Variants in P4HA3 observed in about 807,000 individuals in gnomAD.
P4HA3 encodes the protein prolyl 4-hydroxylase subunit alpha-3.
Under a neutral mutation model 66.7 loss-of-function variants are expected in P4HA3, and 60 were observed. That is an observed-to-expected ratio of 0.90 (90% CI 0.73 to 1.12). The LOEUF (loss-of-function observed/expected upper bound fraction) is 1.12, where lower values mean the gene tolerates loss of function less well. Ranked by LOEUF, P4HA3 falls within the 50% of genes most tolerant of loss-of-function variation. P4HA3 has a pLI of 0.00. For synonymous variants in P4HA3, 263 were observed against 274.6 expected, an observed-to-expected ratio of 0.96 and a Z score of 0.42; for missense variants, 683 against 685.8, an observed-to-expected ratio of 1.00 and a Z score of 0.05.
intron 1 of P4HA3, among the ~76,000 whole-genome samples, chr11:74,306,610 G>A (rs1318177485): frequency 1.3e-5 from 2 of 152,214 alleles, no homozygotes; most frequent in African/African-American, 4.8e-5. Flanking sequence ...CGACTTCTGC[G>A]AGGAGACAGA....
Position 74,255,018 on chromosome 11 carries a change from C to T in P4HA3, c.*1318+4905G>A, listed in dbSNP as rs547295077. ...TAGCTTCACTTATGTGAAACTTCAT[C>T]TACAACCCAAATCATTTCCTGAGCT... On this transcript the variant is annotated intron_variant and NMD_transcript_variant, in intron 15 of 15. Coordinates refer to the P4HA3 transcript ENST00000524388. Among the ~76,000 whole-genome samples, 5 of 152,284 alleles carry T rather than the reference C, an allele frequency of 3.3e-5. No individual in the cohort carries two copies. In the East Asian group the frequency reaches 9.7e-4, roughly 29 times the overall value.
At chr11:74,306,773 A>C (rs1427989145) in intron 1 of P4HA3, among the ~76,000 whole-genome samples, 2 of 152,204 alleles carry the variant, frequency 1.3e-5, no homozygotes, top group African/African-American at 4.8e-5. Context: ...CAAGGAGCCA[A>C]ATGTTCAATT....
chr11:74,256,082 C>CT (rs1774401050), intron 15 of P4HA3: 2 of 404,304 alleles, frequency 4.9e-6, no homozygotes, highest in Non-Finnish European at 1.0e-5. Context: ...CACAGCAACT[C>CT]TATGAGGTAG....
rs1322293763 is a variant in P4HA3 at position 74,277,036 on chromosome 11, C to T, written c.1284G>A (p.Val428=). 2.5e-6 allele frequency: 4 copies of T among 1,614,046 alleles called. No homozygotes were observed. The South Asian group carries it at 3.3e-5, about 13-fold the overall frequency. The change falls in exon 9 of 13, where the codon GTG becomes GTA. Residue 428 remains valine, a synonymous_variant. Transcript: ENST00000331597. ...VRPPYAEYLQ[V]VNYGIGGHYE... ...AGTGTCCTCCGATGCCATAGTTCAC[C>T]ACCTGCAGATACTCTGCATAGGGAG...
chr11:74,270,914 A>C (rs1019138001), intron 10 of P4HA3, among the ~76,000 whole-genome samples: 1 of 152,248 alleles, frequency 6.6e-6, no homozygotes, highest in Admixed American at 6.5e-5. Flanking sequence ...GATTGTTTTC[A>C]TAGGAAAGAG....
intron 10 of P4HA3, among the ~76,000 whole-genome samples, chr11:74,272,552 T>G (rs1860241958): frequency 6.6e-6 from 1 of 152,158 alleles, no homozygotes; most frequent in Non-Finnish European, 1.5e-5. Context: ...AGCCTTCCAG[T>G]TCCATAGGAA....
At chr11:74,298,709 T>C (rs1861304124) in intron 3 of P4HA3, among the ~76,000 whole-genome samples, 3 of 152,184 alleles carry the variant, frequency 2.0e-5, no homozygotes, top group African/African-American at 2.4e-5. Context: ...GAAAGCTTCA[T>C]GCAAGAGGTA....
At chr11:74,287,793 G>A (rs1860850244) in intron 5 of P4HA3, among the ~76,000 whole-genome samples, 1 of 152,134 alleles carries the variant, frequency 6.6e-6, no homozygotes, top group South Asian at 2.1e-4. Flanking sequence ...GAGGCAGGTG[G>A]AACACTTGAG....
intron 15 of P4HA3, among the ~76,000 whole-genome samples, chr11:74,256,913 A>T (rs1859840122): frequency 6.6e-6 from 1 of 152,212 alleles, no homozygotes; most frequent in Non-Finnish European, 1.5e-5. Flanking sequence ...ACATACTGTT[A>T]GGAGCATTTG....
chr11:74,256,899 C>T lies in P4HA3; in HGVS notation c.*1318+3024G>A, dbSNP rs75857071. Among the ~76,000 whole-genome samples the T allele has an allele frequency of 4.1e-3, 630 of 152,274 alleles. 3 individuals are homozygous for T. Among genetic ancestry groups the T allele is most frequent in the African/African-American group, 0.015 (607 of 41,538 alleles). On this transcript the variant is annotated intron_variant and NMD_transcript_variant, in intron 15 of 15. Transcript: ENST00000524388. ...GGGCATGACTTCATAGCCCCACGCT[C>T]TTAACATACTGTTAGGAGCATTTGC...
intron 3 of P4HA3, among the ~76,000 whole-genome samples, chr11:74,299,885 C>T (rs952504667): frequency 3.3e-5 from 5 of 152,086 alleles, no homozygotes; most frequent in African/African-American, 7.2e-5. Context: ...GGAACTGGAA[C>T]TAAGACACCC....
intron 3 of P4HA3, among the ~76,000 whole-genome samples, chr11:74,301,946 C>T (rs899967485): frequency 6.6e-6 from 1 of 152,146 alleles, no homozygotes; most frequent in African/African-American, 2.4e-5. Flanking sequence ...CCCAACCTTG[C>T]GTCCCTGACC....
At chr11:74,280,717 G>A (rs1160977244) in intron 7 of P4HA3, among the ~76,000 whole-genome samples, 2 of 152,164 alleles carry the variant, frequency 1.3e-5, no homozygotes, top group Non-Finnish European at 2.9e-5. Context: ...GGTACTCACA[G>A]GGCTCAGACC....
intron 15 of P4HA3, among the ~76,000 whole-genome samples, chr11:74,258,283 G>A (rs1475548081): frequency 1.3e-5 from 2 of 152,206 alleles, no homozygotes; most frequent in South Asian, 2.1e-4. Flanking sequence ...AAGACTAGCA[G>A]AAAGGCTGGA....
chr11:74,294,021 G>T (rs1353433272), intron 4 of P4HA3, among the ~76,000 whole-genome samples: 1 of 152,146 alleles, frequency 6.6e-6, no homozygotes, highest in Non-Finnish European at 1.5e-5. Context: ...AAGTTCTCCT[G>T]GATAATATCC....
At chr11:74,258,525 C>T (rs952988340) in intron 15 of P4HA3, among the ~76,000 whole-genome samples, 2 of 152,162 alleles carry the variant, frequency 1.3e-5, no homozygotes, top group African/African-American at 4.8e-5. Context: ...TCAGCAGTGC[C>T]TCCTACAGAT....
downstream of P4HA3, among the ~76,000 whole-genome samples, chr11:74,263,412 C>T (rs1034311644): frequency 2.6e-5 from 4 of 152,078 alleles, no homozygotes; most frequent in Admixed American, 6.5e-5. Context: ...ATTATTGGCT[C>T]CAAAAGATTA....
intron 9 of P4HA3, 86 bp downstream of exon 9, chr11:74,276,899 G>C: frequency 3.8e-6 from 5 of 1,330,124 alleles, no homozygotes; most frequent in Non-Finnish European, 5.0e-6. Context: ...AGTATTCCCT[G>C]AGAGCCTACA....
intron 15 of P4HA3, chr11:74,250,895 G>C (rs1859640961): frequency 7.0e-7 from 1 of 1,428,076 alleles, no homozygotes; most frequent in Non-Finnish European, 9.7e-7. Context: ...GACCTATGAG[G>C]CTGCATAAGA....
Sources: allele counts gnomAD v4.1 joint callset (sites outside exome capture counted in the v4.1 genomes callset), GRCh38; gene constraint gnomAD v4.1.1; transcripts MANE v1.5; gene names NCBI Gene and HGNC (gene_info 2026-07-23, HGNC 2026-07-21).